The following TSHZ2 variants were observed in gnomAD, a reference collection of about 807,000 sequenced individuals.
TSHZ2 encodes the protein teashirt homolog 2.
Under a neutral mutation model 74.4 loss-of-function variants are expected in TSHZ2, and 21 were observed. The ratio of observed to expected loss-of-function variants is 0.28; its 90% confidence interval spans 0.20 to 0.41. The LOEUF is 0.41. TSHZ2 is among the 10% of genes least tolerant of loss of function. The pLI is 1.00. For missense variants in TSHZ2, 1,244 were observed against 1,293.5 expected, an observed-to-expected ratio of 0.96 and a Z score of 0.59; for synonymous variants, 540 against 515.3, an observed-to-expected ratio of 1.05 and a Z score of -0.65.
intron 1 of TSHZ2, among the ~76,000 whole-genome samples, chr20:53,101,965 T>C (rs1555824970): frequency 6.7e-6 from 1 of 148,480 alleles, no homozygotes; most frequent in Non-Finnish European, 1.5e-5. Flanking sequence ...GTCCTCATTG[T>C]TGGAATATCC....
chr20:53,246,993 A>C (rs1329467360), intron 1 of TSHZ2, among the ~76,000 whole-genome samples: 1 of 152,148 alleles, frequency 6.6e-6, no homozygotes, highest in Non-Finnish European at 1.5e-5. Flanking sequence ...GACCACCAGA[A>C]ACCTCCCCAT....
chr20:53,122,653 G>A (rs894533931), intron 1 of TSHZ2, among the ~76,000 whole-genome samples: 1 of 152,070 alleles, frequency 6.6e-6, no homozygotes, highest in Non-Finnish European at 1.5e-5. Flanking sequence ...ACACCAGTCA[G>A]GATGCTCTCT....
chr20:53,262,367 T>C (rs1990621487), intron 2 of TSHZ2, among the ~76,000 whole-genome samples: 1 of 152,146 alleles, frequency 6.6e-6, no homozygotes, highest in Non-Finnish European at 1.5e-5. Flanking sequence ...TGCCCTCTAT[T>C]GTTGGAAATG....
intron 2 of TSHZ2, among the ~76,000 whole-genome samples, chr20:53,459,719 C>G (rs376423381): frequency 7.9e-5 from 11 of 139,980 alleles, no homozygotes; most frequent in Non-Finnish European, 1.5e-4. Flanking sequence ...CCATGTTTAG[C>G]GCTTCCTTCA....
intron 1 of TSHZ2, among the ~76,000 whole-genome samples, chr20:53,081,174 C>T (rs183127366): frequency 1.3e-5 from 2 of 152,230 alleles, no homozygotes; most frequent in African/African-American, 4.8e-5. Flanking sequence ...TGCCACCACA[C>T]CCACCTGTTT....
intron 1 of TSHZ2, among the ~76,000 whole-genome samples, chr20:53,132,775 C>T (rs2123390234): frequency 6.6e-6 from 1 of 152,252 alleles, no homozygotes; most frequent in Non-Finnish European, 1.5e-5. Context: ...AAATTATTCA[C>T]TAGTCAATTA....
intron 1 of TSHZ2, among the ~76,000 whole-genome samples, chr20:53,213,599 G>A (rs1989364023): frequency 6.6e-6 from 1 of 151,998 alleles, no homozygotes; most frequent in Non-Finnish European, 1.5e-5. Flanking sequence ...GAGAGAGAGA[G>A]AAATTTGATG....
intron 1 of TSHZ2, among the ~76,000 whole-genome samples, chr20:52,982,191 G>T (rs1981591099): frequency 6.6e-6 from 1 of 152,220 alleles, no homozygotes; most frequent in African/African-American, 2.4e-5. Context: ...TTACTGATGA[G>T]AATCTGAGTA....
At chr20:53,044,704 GCTTT>G (rs1179720173) in intron 1 of TSHZ2, among the ~76,000 whole-genome samples, 2 of 152,160 alleles carry the variant, frequency 1.3e-5, no homozygotes, top group African/African-American at 2.4e-5. Context: ...GTTTTGGGGT[GCTTT>G]CTTTCTTTGT....
chr20:53,314,814 G>T (rs1018617971), intron 2 of TSHZ2, among the ~76,000 whole-genome samples: 8 of 151,968 alleles, frequency 5.3e-5, no homozygotes, highest in Non-Finnish European at 8.8e-5. Flanking sequence ...TAGAAACAGG[G>T]TCTCGCCATG....
intron 2 of TSHZ2, among the ~76,000 whole-genome samples, chr20:53,352,761 G>A (rs1258693505): frequency 7.4e-6 from 1 of 136,012 alleles, no homozygotes; most frequent in African/African-American, 2.9e-5. Context: ...GCGACAAAGT[G>A]AGGATCTGTC....
chr20:53,091,975 G>A (rs1328918425), intron 1 of TSHZ2, among the ~76,000 whole-genome samples: 1 of 152,174 alleles, frequency 6.6e-6, no homozygotes, highest in Non-Finnish European at 1.5e-5. Context: ...GAGCCCAGGA[G>A]TTCAAGGTTG....
rs533471028 is a variant in TSHZ2, at chr20:53,110,562, T to TA, written c.40+137238dup. 1.1e-4 allele frequency among the ~76,000 whole-genome samples: 16 copies of TA among 150,762 alleles called. No individual in the cohort carries two copies. In the South Asian group the frequency reaches 1.9e-3, roughly 18 times the overall value. ...CTATAAGAAGACTCTAGTTACATAA[T>TA]AAAAAAAAATGTTAAGAAGATACGT... On this transcript the variant is annotated intron_variant, in intron 1 of 2. Transcript: ENST00000371497.
intron 2 of TSHZ2, among the ~76,000 whole-genome samples, chr20:53,283,215 T>C (rs1036352609): frequency 1.3e-5 from 2 of 152,172 alleles, no homozygotes; most frequent in Admixed American, 1.3e-4. Context: ...TATCATACAG[T>C]TAGGAAGCAG....
At chr20:53,277,460 G>GA (rs113376847) in intron 2 of TSHZ2, among the ~76,000 whole-genome samples, 24,838 of 145,940 alleles carry the variant, frequency 0.17, 2,675 homozygotes, top group African/African-American at 0.31. Context: ...TAAAAAACAG[G>GA]AAAAAAAAAA....
intron 2 of TSHZ2, 72 bp from the exon 3 acceptor site, chr20:53,487,072 C>T (rs1986307724): frequency 6.6e-6 from 1 of 152,626 alleles, no homozygotes; most frequent in Non-Finnish European, 1.5e-5. Context: ...GGTGATCACC[C>T]TGGGGAAAAA....
At chr20:53,240,830 T>G (rs1432784565) in intron 1 of TSHZ2, among the ~76,000 whole-genome samples, 27 of 151,886 alleles carry the variant, frequency 1.8e-4, no homozygotes. Flanking sequence ...GGCTGAAAAC[T>G]AACATCAGAA....
chr20:53,062,791 C>G lies in TSHZ2; in HGVS notation c.40+89458C>G, dbSNP rs1209670031. On this transcript the variant is annotated intron_variant, in intron 1 of 2. Coordinates refer to ENST00000371497, the MANE Select transcript of TSHZ2 (RefSeq NM_173485.6). ...AAAAACTCTTTGTTGGCATTCACAA[C>G]TTGGCTACCTGGTTGGCACAAGAGG... 4.6e-5 allele frequency among the ~76,000 whole-genome samples: 7 copies of G among 152,328 alleles called. No homozygotes were observed. In the East Asian group the frequency reaches 1.3e-3, roughly 29 times the overall value.
rs566345654 is a variant in TSHZ2 at position 53,138,340 on chromosome 20, A to T, written c.41-115159A>T. Among the ~76,000 whole-genome samples the T allele has an allele frequency of 5.5e-4, 84 of 151,894 alleles. 2 individuals are homozygous for T. The South Asian group carries it at 0.016, about 30-fold the overall frequency. ...CTGAGCTTGCAGTGAGCAGAGATCAAGCCGCTGCACTCCAGCCTGGACGAC... is the reference window on the plus strand; with the variant it reads ...CTGAGCTTGCAGTGAGCAGAGATCATGCCGCTGCACTCCAGCCTGGACGAC... On this transcript the variant is annotated intron_variant, in intron 1 of 2. Transcript: ENST00000371497.
Sources: allele counts gnomAD v4.1 joint callset (sites outside exome capture counted in the v4.1 genomes callset), GRCh38; gene constraint gnomAD v4.1.1; transcripts MANE v1.5; gene names NCBI Gene and HGNC (gene_info 2026-07-23, HGNC 2026-07-21).